Variants in MLLT10 observed in about 807,000 individuals in gnomAD.
The protein encoded by MLLT10 is MLLT10 histone lysine methyltransferase DOT1L cofactor, also known as protein AF-10.
Under a neutral mutation model 129.1 loss-of-function variants are expected in MLLT10, and 30 were observed. The observed-to-expected ratio is 0.23, with a 90% CI of 0.17 to 0.32. MLLT10 has a LOEUF of 0.32. MLLT10 is among the 10% of genes least tolerant of loss of function. MLLT10 has a pLI of 1.00. For missense variants in MLLT10, 1,119 were observed against 1,268.3 expected (o/e 0.88, Z 1.79); for synonymous variants, 490 against 446.4 (o/e 1.10, Z -1.23).
At chr10:21,610,025 T>G (rs1322305374) in intron 5 of MLLT10, among the ~76,000 whole-genome samples, 2 of 152,182 alleles carry the variant, frequency 1.3e-5, no homozygotes, top group African/African-American at 2.4e-5. Flanking sequence ...ACAGTCCCCT[T>G]AAGTGTACAC....
intron 11 of MLLT10, among the ~76,000 whole-genome samples, chr10:21,680,584 T>G (rs559230526): frequency 6.6e-6 from 1 of 152,330 alleles, no homozygotes; most frequent in African/African-American, 2.4e-5. Context: ...TCATAATATA[T>G]TTATGGTCAT....
At position 21,595,558 on chromosome 10, in the gene MLLT10, T is replaced by C. The variant is rs535708635; in HGVS notation, c.405+118T>C. On this transcript the variant is annotated intron_variant, in intron 5 of 22. Transcript: ENST00000307729. ...AATCCAGGGAGATTTGGAAAAAAAA[T>C]TACTACTCCAAACTGCAGTTATTAA... The C allele has an allele frequency of 3.3e-5, 23 of 702,778 alleles. No homozygotes were observed. The South Asian group carries it at 4.9e-4, about 15-fold the overall frequency. 43.5% of individuals were successfully genotyped at this position (702,778 alleles called of 1,614,324 possible).
At position 21,635,834 on chromosome 10, in the gene MLLT10, C is replaced by T. The variant is rs371027683; in HGVS notation, c.700-15839C>T. Among the ~76,000 whole-genome samples the T allele has an allele frequency of 2.6e-5, 4 of 151,334 alleles. No individual in the cohort carries two copies. In the East Asian group the frequency reaches 7.8e-4, roughly 30 times the overall value. On this transcript the variant is annotated intron_variant, in intron 8 of 22. Coordinates refer to ENST00000307729, the MANE Select transcript of MLLT10 (RefSeq NM_001195626.3). Reference sequence around the variant, plus strand: ...CTCCGCCTCCCGGGTTCAAGAGATTCACCAGCCTCAGCCTCCCGAGTAGCT... The same window carrying T: ...CTCCGCCTCCCGGGTTCAAGAGATTTACCAGCCTCAGCCTCCCGAGTAGCT...
intron 3 of MLLT10, among the ~76,000 whole-genome samples, chr10:21,555,254 T>C (rs1554788625): frequency 6.6e-6 from 1 of 152,110 alleles, no homozygotes; most frequent in Non-Finnish European, 1.5e-5. Flanking sequence ...GACAGAGTCT[T>C]GCCTGTCACC....
At position 21,596,634 on chromosome 10, in the gene MLLT10, T is replaced by TA. The variant is rs61434459; in HGVS notation, c.405+1209dup. 2.5e-3 allele frequency among the ~76,000 whole-genome samples: 355 copies of TA among 142,198 alleles called. 1 individual carries two copies. The highest frequency in any genetic ancestry group is 6.4e-3 in the African/African-American group (250 of 38,870). 93.3% of individuals were successfully genotyped at this position (142,198 alleles called of 152,430 possible). Reference sequence around the variant, plus strand: ...TAAAAAACTTTGCTATTCTTTCTAGTAAAAAAAAAAAAAAATATTAAAATG... The same window carrying TA: ...TAAAAAACTTTGCTATTCTTTCTAGTAAAAAAAAAAAAAAAATATTAAAATG... On this transcript the variant is annotated intron_variant, in intron 5 of 22. Coordinates refer to ENST00000307729, the MANE Select transcript of MLLT10 (RefSeq NM_001195626.3).
chr10:21,581,729 A>G (rs185410947), intron 3 of MLLT10, among the ~76,000 whole-genome samples: 3 of 152,134 alleles, frequency 2.0e-5, no homozygotes, highest in African/African-American at 4.8e-5. Flanking sequence ...GCTTGCTGCT[A>G]TGTAAGATGT....
rs1470990366 is a variant in MLLT10 at position 21,691,102 on chromosome 10, C to T, written c.1699+8845C>T. The stretch of plus-strand genomic sequence containing the variant: ...ATTGGAAAGTGCTTGCTTAGTGAAT[C>T]GGACATCAGAATAAAGGCAGTTCGA... On this transcript the variant is annotated intron_variant, in intron 13 of 22. Transcript: ENST00000307729. Among the ~76,000 whole-genome samples the T allele has an allele frequency of 2.6e-5, 4 of 152,244 alleles. 1 individual carries two copies. The highest frequency in any genetic ancestry group is 2.0e-4 in the Admixed American group (3 of 15,292).
At position 21,733,910 on chromosome 10, in the gene MLLT10, G is replaced by C; in HGVS notation, c.2639G>C (p.Ser880Thr). The C allele has an allele frequency of 6.2e-7, 1 of 1,614,202 alleles. No individual in the cohort carries two copies. The highest frequency in any genetic ancestry group is 8.5e-7 in the Non-Finnish European group (1 of 1,180,044). ...GGCGTGACAGTGGGGGCACTAGCTA[G>C]TGGAATGCAGCCTGTAACTTCCACC... ...VNGVTVGALA[S>T]GMQPVTSTIP... Residue 880 changes from serine (S) to threonine (T), a missense_variant, in exon 20 of 23, where the codon AGT becomes ACT. Physicochemically the swap from Ser to Thr is moderately conservative, Grantham distance 58. Coordinates refer to ENST00000307729, the MANE Select transcript of MLLT10 (RefSeq NM_001195626.3).
At chr10:21,580,334 G>T (rs185249797) in intron 3 of MLLT10, among the ~76,000 whole-genome samples, 2 of 151,168 alleles carry the variant, frequency 1.3e-5, no homozygotes, top group East Asian at 3.9e-4. Flanking sequence ...ATAGAGAAAA[G>T]AAATCACTCA....
intron 8 of MLLT10, among the ~76,000 whole-genome samples, chr10:21,635,667 T>G (rs542956890): frequency 6.6e-6 from 1 of 152,110 alleles, no homozygotes; most frequent in East Asian, 1.9e-4. Flanking sequence ...TTTTTATATT[T>G]GGGATTCAGA....
At position 21,704,021 on chromosome 10, in the gene MLLT10, T is replaced by TG. The variant is rs1297137827; in HGVS notation, c.1700-9751_1700-9750insG. On this transcript the variant is annotated intron_variant, in intron 13 of 22. Coordinates refer to ENST00000307729, the MANE Select transcript of MLLT10 (RefSeq NM_001195626.3). Reference sequence around the variant, plus strand: ...TTGGATTTCGATTGTTTTTTGTTTTTTTTTTTTTTTTTTTTTTTGATGGAG... The same window carrying TG: ...TTGGATTTCGATTGTTTTTTGTTTTTGTTTTTTTTTTTTTTTTTTGATGGAG... 5.4e-4 allele frequency among the ~76,000 whole-genome samples: 70 copies of TG among 128,870 alleles called. 1 individual carries two copies. Among genetic ancestry groups the TG allele is most frequent in the African/African-American group, 4.9e-4 (16 of 32,476 alleles). The allele number at this position is 128,870 out of a possible 152,430, so 84.5% of individuals were successfully genotyped here.
At chr10:21,615,245 G>C (rs2045112249) in intron 7 of MLLT10, among the ~76,000 whole-genome samples, 1 of 151,814 alleles carries the variant, frequency 6.6e-6, no homozygotes, top group African/African-American at 2.4e-5. Context: ...ATCACCTGAG[G>C]TTGGGAATTG....
intron 9 of MLLT10, among the ~76,000 whole-genome samples, chr10:21,659,174 T>C (rs911180385): frequency 3.9e-5 from 6 of 152,194 alleles, no homozygotes; most frequent in African/African-American, 1.2e-4. Flanking sequence ...TTTTAATCTT[T>C]TGAAGAGCAG....
At chr10:21,557,498 T>G (rs2038196474) in intron 3 of MLLT10, 1 of 154,854 alleles carries the variant, frequency 6.5e-6, no homozygotes, top group African/African-American at 2.4e-5. Flanking sequence ...GGTCTTTAGT[T>G]ACATCAGCTA....
chr10:21,636,358 A>G (rs1017412216), intron 8 of MLLT10, among the ~76,000 whole-genome samples: 1 of 152,112 alleles, frequency 6.6e-6, no homozygotes, highest in Non-Finnish European at 1.5e-5. Context: ...CCTGGGCTCA[A>G]GCTATCCTTC....
At chr10:21,534,565 C>A (rs542397508) in intron 1 of MLLT10, 45 bp downstream of exon 1, 1 of 1,093,068 alleles carries the variant, frequency 9.1e-7, no homozygotes, top group African/African-American at 2.7e-5. Flanking sequence ...GGCGCCGGGG[C>A]GGGCTCGGGG....
Position 21,534,549 on chromosome 10 carries a change from GCGGGGGGCGCCGGGGCGGGCT to G in MLLT10, c.-1+38_-1+58del, listed in dbSNP as rs988137732. On this transcript the variant is annotated intron_variant, in intron 1 of 22. Coordinates refer to ENST00000307729, the MANE Select transcript of MLLT10 (RefSeq NM_001195626.3). Reference sequence around the variant, plus strand: ...AGCGAGCGGTGGGCTGCCGGGCCGGGCGGGGGGCGCCGGGGCGGGCTCGGGGGGCTGTGTGGGGGGGAAGCA... The same window carrying G: ...AGCGAGCGGTGGGCTGCCGGGCCGGGCGGGGGGCTGTGTGGGGGGGAAGCA... The G allele has an allele frequency of 1.7e-4, 229 of 1,363,406 alleles. 1 individual carries two copies. The highest frequency in any genetic ancestry group is 2.0e-4 in the Non-Finnish European group (199 of 1,018,572). The allele number at this position is 1,363,406 out of a possible 1,614,324, so 84.5% of individuals were successfully genotyped here. A position where few individuals can be genotyped will look rare whatever the true frequency, so the allele number is the denominator to read the frequency against.
At chr10:21,714,532 G>C (rs1467629604) in intron 14 of MLLT10, among the ~76,000 whole-genome samples, 2 of 152,000 alleles carry the variant, frequency 1.3e-5, no homozygotes, top group South Asian at 2.1e-4. Context: ...TAGTCTATAG[G>C]ATTTTTTTGT....
At chr10:21,702,387 A>T (rs1047147820) in intron 13 of MLLT10, among the ~76,000 whole-genome samples, 1 of 152,182 alleles carries the variant, frequency 6.6e-6, no homozygotes, top group Non-Finnish European at 1.5e-5. Context: ...AATGTTCCAT[A>T]TGCTGATGAG....
Sources: allele counts gnomAD v4.1 joint callset (sites outside exome capture counted in the v4.1 genomes callset), GRCh38; gene constraint gnomAD v4.1.1; transcripts MANE v1.5; gene names NCBI Gene and HGNC (gene_info 2026-07-23, HGNC 2026-07-21).